The following TRIM23 variants were observed in gnomAD, a reference collection of about 807,000 sequenced individuals.
TRIM23 encodes tripartite motif containing 23.
A neutral mutation model predicts 71.0 loss-of-function variants in TRIM23; 27 were observed. The ratio of observed to expected loss-of-function variants is 0.38; its 90% CI spans 0.28 to 0.52. TRIM23 has a LOEUF of 0.52. TRIM23 is among the 20% of genes least tolerant of loss of function. The pLI is 0.84. For missense variants in TRIM23, 482 were observed against 692.3 expected (o/e 0.70, Z 3.41); for synonymous variants, 234 against 238.0 (o/e 0.98, Z 0.16).
At chr5:65,602,521 A>G (rs1034642399) in intron 7 of TRIM23, among the ~76,000 whole-genome samples, 2 of 151,932 alleles carry the variant, frequency 1.3e-5, no homozygotes, top group African/African-American at 4.8e-5. Context: ...TCCACCCTCT[A>G]CCTGTTACCC....
At chr5:65,611,130 A>G in intron 4 of TRIM23, 87 bp from the exon 5 acceptor site, 1 of 1,227,792 alleles carries the variant, frequency 8.1e-7, no homozygotes. Flanking sequence ...TAATACAAAA[A>G]AGCATCAGCC....
At position 65,611,009 on chromosome 5, in the gene TRIM23, C is replaced by A; in HGVS notation, c.680G>T (p.Arg227Leu). The A allele has an allele frequency of 6.2e-7, 1 of 1,613,178 alleles. No individual in the cohort carries two copies. Among genetic ancestry groups the A allele is most frequent in the South Asian group, 1.1e-5 (1 of 90,844 alleles). Reference protein sequence around the residue: ...SVLEPEANQIRASILDMAHCI... With the variant: ...SVLEPEANQILASILDMAHCI... ...GTGAGCCATATCTAAAATTGATGCT[C>A]GGATCTGATTAGCTTCTGGTTCCAA... The change falls in exon 5 of 11, where the codon CGA (arginine) becomes CTA (leucine). Residue 227 changes from arginine (R) to leucine (L), a missense_variant. This residue lies in a region of TRIM23 where 307 missense variants were observed against 495.8 expected (regional missense o/e 0.62). Transcript: ENST00000231524.
At chr5:65,617,050 T>C (rs40195) in intron 2 of TRIM23, among the ~76,000 whole-genome samples, 97,447 of 152,066 alleles carry the variant, frequency 0.64, 31,575 homozygotes, top group African/African-American at 0.7. Context: ...AGAAATAGTA[T>C]GATATATGCA....
intron 2 of TRIM23, among the ~76,000 whole-genome samples, chr5:65,615,021 C>T (rs190503535): frequency 4.6e-5 from 7 of 152,024 alleles, no homozygotes; most frequent in Middle Eastern, 3.4e-3. Context: ...CCCCAGCCTC[C>T]CAAGTGGCTG....
intron 2 of TRIM23, among the ~76,000 whole-genome samples, chr5:65,617,607 A>G (rs1754809896): frequency 1.3e-5 from 2 of 152,168 alleles, no homozygotes; most frequent in Non-Finnish European, 2.9e-5. Flanking sequence ...AAAGCCACAA[A>G]CCCTTCAAAC....
At chr5:65,600,696 C>T (rs2150626221) in intron 7 of TRIM23, among the ~76,000 whole-genome samples, 1 of 142,632 alleles carries the variant, frequency 7.0e-6, no homozygotes, top group Non-Finnish European at 1.5e-5. Context: ...ACAAAATCAA[C>T]AGAGTGAAAA....
chr5:65,604,070 A>AG (rs1445271532), intron 7 of TRIM23, among the ~76,000 whole-genome samples: 1 of 151,914 alleles, frequency 6.6e-6, no homozygotes, highest in African/African-American at 2.4e-5. Flanking sequence ...TGGGACTATA[A>AG]GGTATGCCAC....
chr5:65,594,462 T>C, intron 10 of TRIM23, 59 bp downstream of exon 10: 1 of 1,536,566 alleles, frequency 6.5e-7, no homozygotes. Context: ...ATATTTCCAG[T>C]TGCCTTTTGA....
intron 6 of TRIM23, 106 bp from the exon 7 acceptor site, chr5:65,605,151 C>A: frequency 8.8e-6 from 9 of 1,025,538 alleles, no homozygotes; most frequent in South Asian, 8.4e-5. Context: ...TTATAGTAGT[C>A]AAAGTTAAAT....
intron 7 of TRIM23, among the ~76,000 whole-genome samples, chr5:65,602,019 G>C (rs1754376469): frequency 6.6e-6 from 1 of 152,234 alleles, no homozygotes; most frequent in Non-Finnish European, 1.5e-5. Flanking sequence ...ACATGGCCTA[G>C]AGACATTTTC....
At position 65,591,443 on chromosome 5, in the gene TRIM23, C is replaced by G. The variant is rs1754022692; in HGVS notation, c.*326G>C. On this transcript the variant is annotated 3_prime_UTR_variant, in exon 11 of 11. Transcript: ENST00000231524. ...TTTTCACTGAAAGAATAAACCTTCA[C>G]TTACCCTTTCTCTGTGACTACCTCT... The G allele has an allele frequency of 6.3e-7, 1 of 1,595,426 alleles. No individual in the cohort carries two copies. The highest frequency in any genetic ancestry group is 8.5e-7 in the Non-Finnish European group (1 of 1,171,986).
chr5:65,594,557 G>A lies in TRIM23; in HGVS notation c.1509C>T (p.Leu503=), dbSNP rs769011246. The part of the protein sequence containing the change: ...ELAKLLTEKE[L]RDALLLIFAN... ...CAAAAATCAGGAGCAGAGCATCTCGGAGTTCTTTTTCCGTTAACAACTTTG... is the reference window on the plus strand; with the variant it reads ...CAAAAATCAGGAGCAGAGCATCTCGAAGTTCTTTTTCCGTTAACAACTTTG... The change falls in exon 10 of 11, where the codon CTC becomes CTT. Residue 503 remains leucine, a synonymous_variant. Transcript: ENST00000231524. 123 of 1,612,010 alleles carry A rather than the reference G, an allele frequency of 7.6e-5. No homozygotes were observed. Among genetic ancestry groups the A allele is most frequent in the Non-Finnish European group, 1.0e-4 (118 of 1,179,370 alleles).
chr5:65,624,285 G>A lies in TRIM23; in HGVS notation c.-11C>T. 2.5e-6 allele frequency: 4 copies of A among 1,613,692 alleles called. No homozygotes were observed. The highest frequency in any genetic ancestry group is 1.3e-5 in the African/African-American group (1 of 75,052). On this transcript the variant is annotated 5_prime_UTR_variant, in exon 1 of 11. Coordinates refer to ENST00000231524, the MANE Select transcript of TRIM23 (RefSeq NM_001656.4). ...AACCAGGGTAGCCATCCTCGCAGGG[G>A]AAGCGCCACAGAAACAGCCTTCAGA...
chr5:65,613,923 T>C, intron 3 of TRIM23, 175 bp downstream of exon 3: 1 of 1,500,368 alleles, frequency 6.7e-7, no homozygotes, highest in Non-Finnish European at 8.9e-7. Flanking sequence ...TTTCAAATAA[T>C]TCTAGTTTTT....
chr5:65,599,907 T>C (rs964122353), intron 7 of TRIM23, among the ~76,000 whole-genome samples: 1 of 152,204 alleles, frequency 6.6e-6, no homozygotes, highest in African/African-American at 2.4e-5. Flanking sequence ...GGGTAATTTA[T>C]AAAGAAAAGT....
chr5:65,617,710 A>T (rs1021067150), intron 2 of TRIM23, among the ~76,000 whole-genome samples: 1 of 152,188 alleles, frequency 6.6e-6, no homozygotes, highest in Admixed American at 6.5e-5. Context: ...GACTCAAATG[A>T]CTTATCTGTA....
intron 1 of TRIM23, 67 bp downstream of exon 1, chr5:65,624,127 C>G (rs948317108): frequency 6.2e-7 from 1 of 1,600,086 alleles, no homozygotes; most frequent in Non-Finnish European, 8.6e-7. Flanking sequence ...GCGGCGATGC[C>G]GCCAGGTCTC....
chr5:65,604,708 G>A (rs192493992), intron 7 of TRIM23: 3 of 426,626 alleles, frequency 7.0e-6, no homozygotes, highest in Admixed American at 4.1e-5. Context: ...TTGCACAGGG[G>A]CCATGCTAAT....
chr5:65,615,628 T>C (rs758089545), intron 2 of TRIM23, among the ~76,000 whole-genome samples: 5 of 152,214 alleles, frequency 3.3e-5, no homozygotes, highest in Non-Finnish European at 7.3e-5. Context: ...CCTTAATTTT[T>C]AACACATATT....
Sources: gnomAD v4.1 joint callset for allele counts (sites outside exome capture counted in the v4.1 genomes callset) on GRCh38, gnomAD v4.1.1 for gene constraint, gnomAD v4.1.1 regional missense constraint, MANE v1.5 for transcripts, NCBI Gene and HGNC (gene_info 2026-07-23, HGNC 2026-07-21) for gene names.